The following ELMOD1 variants were observed in gnomAD, a reference collection of about 807,000 sequenced individuals.
The protein encoded by ELMOD1 is ELMO domain-containing protein 1.
In ELMOD1, 21 loss-of-function variants were observed where a neutral mutation model predicts 46.7. The ratio of observed to expected loss-of-function variants is 0.45; its 90% confidence interval spans 0.32 to 0.65. ELMOD1 has a LOEUF of 0.65. ELMOD1 is among the 30% of genes least tolerant of loss of function. ELMOD1 has a pLI of 0.04. For synonymous variants in ELMOD1, 122 were observed against 138.2 expected (o/e 0.88, Z 0.82); for missense variants, 348 against 407.8 (o/e 0.85, Z 1.26).
At chr11:107,640,479 C>A (rs1260884826) in intron 6 of ELMOD1, among the ~76,000 whole-genome samples, 1 of 152,038 alleles carries the variant, frequency 6.6e-6, no homozygotes, top group Non-Finnish European at 1.5e-5. Flanking sequence ...AAATGACTGG[C>A]AGGCTTGGAA....
intron 2 of ELMOD1, chr11:107,623,313 C>G (rs1403639953): frequency 2.0e-5 from 3 of 152,218 alleles, no homozygotes; most frequent in Non-Finnish European, 2.9e-5. Context: ...CAGAGCCTGC[C>G]CATTGCCCTC....
chr11:107,630,614 A>G (rs1814876164), intron 3 of ELMOD1, 52 bp downstream of exon 3: 1 of 1,603,708 alleles, frequency 6.2e-7, no homozygotes, highest in Non-Finnish European at 8.5e-7. Flanking sequence ...ATGATGGAAG[A>G]TACGATGTTG....
chr11:107,656,170 C>G (rs1866628139), intron 11 of ELMOD1, 104 bp downstream of exon 11: 1 of 1,283,130 alleles, frequency 7.8e-7, no homozygotes, highest in Non-Finnish European at 1.1e-6. Context: ...AGTGGATTGC[C>G]TGAGCTCAGG....
intron 9 of ELMOD1, among the ~76,000 whole-genome samples, chr11:107,652,429 G>A (rs868610199): frequency 5.9e-5 from 9 of 152,138 alleles, no homozygotes; most frequent in Non-Finnish European, 1.2e-4. Flanking sequence ...GTTTTCTCCC[G>A]ACAAGGGGAA....
chr11:107,662,492 C>A (rs1866757536), intron 11 of ELMOD1, among the ~76,000 whole-genome samples: 1 of 133,538 alleles, frequency 7.5e-6, no homozygotes, highest in South Asian at 2.1e-4. Flanking sequence ...TGCCTGTAAT[C>A]CCAGCTACTC....
intron 1 of ELMOD1, among the ~76,000 whole-genome samples, chr11:107,608,018 TAA>T (rs34472766): frequency 2.3e-4 from 19 of 83,400 alleles, no homozygotes; most frequent in East Asian, 3.6e-4. Context: ...TCATTAGTGC[TAA>T]AAAAAAAAAA....
At chr11:107,591,759 TG>T (rs1340632485) in intron 1 of ELMOD1, 2 of 447,820 alleles carry the variant, frequency 4.5e-6, no homozygotes, top group Non-Finnish European at 9.3e-6. Flanking sequence ...AGAGCCAAAA[TG>T]GAAGGCGGGA....
intron 1 of ELMOD1, among the ~76,000 whole-genome samples, chr11:107,611,682 G>A (rs1345127767): frequency 5.7e-5 from 8 of 140,710 alleles, no homozygotes; most frequent in Non-Finnish European, 1.1e-4. Context: ...TCCATCTTGG[G>A]CAACAGAGCC....
intron 1 of ELMOD1, among the ~76,000 whole-genome samples, chr11:107,606,596 A>C (rs1865688364): frequency 6.6e-6 from 1 of 152,192 alleles, no homozygotes; most frequent in African/African-American, 2.4e-5. Flanking sequence ...GCATTTTGGG[A>C]GGCCAAAGCG....
At chr11:107,641,939 CTTTTTT>C (rs34475862) in intron 6 of ELMOD1, among the ~76,000 whole-genome samples, 17 of 100,478 alleles carry the variant, frequency 1.7e-4, no homozygotes, top group East Asian at 1.4e-3. Context: ...TGAGCTTACT[CTTTTTT>C]TTTTTTTTTT....
intron 1 of ELMOD1, chr11:107,600,879 C>CA (rs1565368799): frequency 6.9e-6 from 1 of 144,680 alleles, no homozygotes; most frequent in African/African-American, 2.5e-5. Context: ...TCTTCTTCTT[C>CA]TTTTTTTTTT....
intron 9 of ELMOD1, 48 bp from the exon 10 acceptor site, chr11:107,654,124 A>G: frequency 6.8e-7 from 1 of 1,468,246 alleles, no homozygotes; most frequent in Non-Finnish European, 9.3e-7. Flanking sequence ...AACAAGTACC[A>G]ATTAGAGGTT....
intron 1 of ELMOD1, among the ~76,000 whole-genome samples, chr11:107,601,340 T>A (rs1865594149): frequency 6.6e-6 from 1 of 150,454 alleles, no homozygotes; most frequent in Non-Finnish European, 1.5e-5. Flanking sequence ...GCTTTTTTTT[T>A]GCACAACTTT....
Position 107,615,926 on chromosome 11 carries a change from T to C in ELMOD1, c.-85-2179T>C, listed in dbSNP as rs538416476. ...CAAGGTTACATGCTATCAACATGAC[T>C]TATCACTGGTGATCTTAGCCTTGAT... On this transcript the variant is annotated intron_variant, in intron 1 of 11. Coordinates refer to ENST00000265840, the MANE Select transcript of ELMOD1 (RefSeq NM_018712.4). Among the ~76,000 whole-genome samples the C allele has an allele frequency of 1.3e-4, 19 of 151,744 alleles. No individual in the cohort carries two copies. The South Asian group carries it at 4.0e-3, about 32-fold the overall frequency.
chr11:107,600,526 TA>T (rs1157855680), intron 1 of ELMOD1: 1 of 152,234 alleles, frequency 6.6e-6, no homozygotes, highest in Non-Finnish European at 1.5e-5. Context: ...AGGATTTGTG[TA>T]AAAAATATTC....
intron 1 of ELMOD1, among the ~76,000 whole-genome samples, chr11:107,612,598 A>G (rs1398851482): frequency 1.3e-5 from 2 of 152,226 alleles, no homozygotes; most frequent in East Asian, 3.8e-4. Context: ...GCAGAGGCTT[A>G]GTAGAATGAA....
chr11:107,592,004 A>G (rs781341119), intron 1 of ELMOD1: 3 of 508,992 alleles, frequency 5.9e-6, no homozygotes, highest in Admixed American at 2.0e-5. Context: ...CCGGGCAGGT[A>G]GAATTGGACA....
At chr11:107,658,472 T>C (rs865837412) in intron 11 of ELMOD1, among the ~76,000 whole-genome samples, 2 of 152,162 alleles carry the variant, frequency 1.3e-5, no homozygotes, top group Admixed American at 6.5e-5. Flanking sequence ...CAAATATGAT[T>C]GAGATTTTAC....
chr11:107,624,602 G>A (rs1236842797), intron 2 of ELMOD1, among the ~76,000 whole-genome samples: 1 of 152,148 alleles, frequency 6.6e-6, no homozygotes. Context: ...CTTCAGCCTA[G>A]GCAACAGAGT....
Sources: gnomAD v4.1 joint callset for allele counts (sites outside exome capture counted in the v4.1 genomes callset) on GRCh38, gnomAD v4.1.1 for gene constraint, MANE v1.5 for transcripts, NCBI Gene and HGNC (gene_info 2026-07-23, HGNC 2026-07-21) for gene names.